CPPED1: variants seen among roughly 807,000 people sequenced by gnomAD.
The protein encoded by CPPED1 is calcineurin like phosphoesterase domain containing 1.
A neutral mutation model predicts 28.0 loss-of-function variants in CPPED1; 28 were observed. That is an observed-to-expected ratio of 1.00 (90% confidence interval 0.74 to 1.37). CPPED1 has a LOEUF of 1.37. CPPED1 is among the 40% of genes most tolerant of loss of function. The pLI, the probability that CPPED1 is intolerant of heterozygous loss-of-function variation, is 0.00. For synonymous variants in CPPED1, 198 were observed against 180.2 expected (o/e 1.10, Z -0.79); for missense variants, 504 against 416.5 (o/e 1.21, Z -1.83).
chr16:12,784,201 T>G (rs1355621982), intron 1 of CPPED1, among the ~76,000 whole-genome samples: 1 of 152,210 alleles, frequency 6.6e-6, no homozygotes, highest in East Asian at 1.9e-4. Context: ...GAGAGGCCAA[T>G]GTGCTGAGGA....
intron 2 of CPPED1, among the ~76,000 whole-genome samples, chr16:12,738,018 G>A (rs1483234783): frequency 1.3e-5 from 2 of 152,216 alleles, no homozygotes; most frequent in East Asian, 3.8e-4. Context: ...GGTTAACACG[G>A]TACCCGACGC....
chr16:12,719,364 C>G (rs371896108), intron 2 of CPPED1, among the ~76,000 whole-genome samples: 1 of 150,014 alleles, frequency 6.7e-6, no homozygotes, highest in African/African-American at 2.5e-5. Context: ...GCATGCTGGC[C>G]TGGGCGAAAG....
At position 12,768,743 on chromosome 16, in the gene CPPED1, G is replaced by A. The variant is rs114358878; in HGVS notation, c.289+12442C>T. ...TTATGAAGTTAGTAGAAATTACAGA[G>A]GTATTAACAACCCCCTTGAATTTCA... On this transcript the variant is annotated intron_variant, in intron 2 of 3. Coordinates refer to ENST00000381774, the MANE Select transcript of CPPED1 (RefSeq NM_018340.3). Among the ~76,000 whole-genome samples the A allele has an allele frequency of 4.4e-3, 673 of 152,134 alleles. 4 individuals carry two copies. The highest frequency in any genetic ancestry group is 0.015 in the African/African-American group (643 of 41,490).
At chr16:12,700,158 G>A (rs962087637) in intron 3 of CPPED1, among the ~76,000 whole-genome samples, 9 of 152,318 alleles carry the variant, frequency 5.9e-5, no homozygotes, top group Admixed American at 3.3e-4. Context: ...AGGGAATTTC[G>A]GGAAGGGCTC....
chr16:12,722,647 C>G (rs146644324), intron 2 of CPPED1, among the ~76,000 whole-genome samples: 2 of 152,218 alleles, frequency 1.3e-5, no homozygotes, highest in African/African-American at 4.8e-5. Flanking sequence ...CTCACCTGAG[C>G]CTGGGGAGGT....
At position 12,682,661 on chromosome 16, in the gene CPPED1, C is replaced by G. The variant is rs989706203; in HGVS notation, c.716-17546G>C. On this transcript the variant is annotated intron_variant, in intron 3 of 3. Transcript: ENST00000381774. This position sits in a 1 kb window ranked among gnomAD's most constrained non-coding sequence, Gnocchi z 6.1. ...AGATAAGTGAGAATCAGGGACACGC[C>G]CTGGGTGGCACAGCAGGAAGCTGCG... is the stretch of plus-strand genomic sequence containing the variant. Among the ~76,000 whole-genome samples the G allele has an allele frequency of 2.0e-5, 3 of 152,200 alleles. No homozygotes were observed. The highest frequency in any genetic ancestry group is 2.1e-4 in the South Asian group (1 of 4,832).
chr16:12,688,629 G>A (rs1352873331), intron 3 of CPPED1, among the ~76,000 whole-genome samples: 2 of 151,974 alleles, frequency 1.3e-5, no homozygotes, highest in South Asian at 2.1e-4. Flanking sequence ...GATTCATCGC[G>A]CCCAGCCCCT....
At chr16:12,798,971 G>A (rs1021695664) in intron 1 of CPPED1, among the ~76,000 whole-genome samples, 2 of 152,088 alleles carry the variant, frequency 1.3e-5, no homozygotes, top group East Asian at 3.9e-4. Flanking sequence ...AACAGGGAAC[G>A]GATGACTGAA....
intron 3 of CPPED1, among the ~76,000 whole-genome samples, chr16:12,691,749 G>T (rs997050566): frequency 6.7e-6 from 1 of 148,360 alleles, no homozygotes; most frequent in Non-Finnish European, 1.5e-5. Context: ...ACTCATAGGT[G>T]GGAATTGAAC....
chr16:12,740,463 T>G (rs2080249402), intron 2 of CPPED1, among the ~76,000 whole-genome samples: 1 of 149,312 alleles, frequency 6.7e-6, no homozygotes, highest in Admixed American at 6.7e-5. Context: ...AAAAAAAAGC[T>G]ACTTTTTAAA....
chr16:12,702,275 C>T (rs910946296), intron 3 of CPPED1, among the ~76,000 whole-genome samples: 1 of 151,826 alleles, frequency 6.6e-6, no homozygotes. Context: ...AGAGCTCACA[C>T]CTGTAATTTA....
At chr16:12,679,095 C>T (rs998414438) in intron 3 of CPPED1, among the ~76,000 whole-genome samples, 1 of 152,168 alleles carries the variant, frequency 6.6e-6, no homozygotes, top group Admixed American at 6.5e-5. Flanking sequence ...GGTGATCTCA[C>T]AAAAGCCTTG....
chr16:12,762,843 A>G (rs1192824737), intron 2 of CPPED1, among the ~76,000 whole-genome samples: 1 of 152,130 alleles, frequency 6.6e-6, no homozygotes, highest in Admixed American at 6.5e-5. Flanking sequence ...TCCTGGACTC[A>G]GGCAATCCTC....
chr16:12,790,290 T>G (rs899367192), intron 1 of CPPED1, among the ~76,000 whole-genome samples: 2 of 152,244 alleles, frequency 1.3e-5, no homozygotes, highest in African/African-American at 4.8e-5. Flanking sequence ...ATACATTTCC[T>G]CTCTCATTTT....
rs529405409 is a variant in CPPED1 at position 12,711,101 on chromosome 16, T to C, written c.290-6052A>G. 1.1e-3 allele frequency among the ~76,000 whole-genome samples: 167 copies of C among 152,330 alleles called. 1 individual carries two copies. The highest frequency in any genetic ancestry group is 6.8e-3 in the Middle Eastern group (2 of 294). The stretch of plus-strand genomic sequence containing the variant: ...AGCAACCCAAATATCCACTGACAGA[T>C]GAATGGATAAGCGAACTGTGGTATA... On this transcript the variant is annotated intron_variant, in intron 2 of 3. Coordinates refer to ENST00000381774, the MANE Select transcript of CPPED1 (RefSeq NM_018340.3).
chr16:12,748,169 T>C (rs149783333), intron 2 of CPPED1, among the ~76,000 whole-genome samples: 317 of 152,332 alleles, frequency 2.1e-3, no homozygotes, highest in African/African-American at 7.2e-3. Flanking sequence ...AGCTCACTCA[T>C]AGTGGCATAA....
intron 2 of CPPED1, among the ~76,000 whole-genome samples, chr16:12,740,520 T>C (rs886868294): frequency 2.0e-5 from 3 of 152,074 alleles, no homozygotes; most frequent in African/African-American, 7.2e-5. Context: ...CATGACTAAT[T>C]AGGTCTGGTC....
intron 2 of CPPED1, among the ~76,000 whole-genome samples, chr16:12,733,672 A>T (rs1203393884): frequency 6.6e-6 from 1 of 152,218 alleles, no homozygotes; most frequent in Non-Finnish European, 1.5e-5. Flanking sequence ...TCTCCAGGAC[A>T]CAAATTCAAT....
intron 2 of CPPED1, among the ~76,000 whole-genome samples, chr16:12,717,553 C>T (rs372912398): frequency 2.0e-5 from 3 of 150,878 alleles, no homozygotes; most frequent in Admixed American, 6.6e-5. Context: ...CGTGAGCCAC[C>T]GTGCCCGGCT....
Sources: allele counts gnomAD v4.1 joint callset (sites outside exome capture counted in the v4.1 genomes callset), GRCh38; gene constraint gnomAD v4.1.1; non-coding constraint Gnocchi (gnomAD v3.1); transcripts MANE v1.5; gene names NCBI Gene and HGNC (gene_info 2026-07-23, HGNC 2026-07-21).